The following MTBP variants were observed in gnomAD, a reference collection of about 807,000 sequenced individuals.
MTBP encodes the protein MDM2 binding protein, also known as mdm2-binding protein.
Under a neutral mutation model 117.0 loss-of-function variants are expected in MTBP, and 101 were observed. The observed-to-expected ratio is 0.86, with a 90% CI of 0.73 to 1.02. The LOEUF is 1.02. MTBP is among the 50% of genes least tolerant of loss of function. The pLI, the probability that MTBP is intolerant of heterozygous loss-of-function variation, is 0.00. For synonymous variants in MTBP, 350 were observed against 351.5 expected (o/e 1.00, Z 0.05); for missense variants, 970 against 1,030.9 (o/e 0.94, Z 0.81).
At chr8:120,522,419 G>C (rs1815020876) in intron 20 of MTBP, among the ~76,000 whole-genome samples, 1 of 152,138 alleles carries the variant, frequency 6.6e-6, no homozygotes, top group Admixed American at 6.5e-5. Flanking sequence ...TAGGAGAGGA[G>C]AGTGAGATGG....
At chr8:120,517,799 C>T (rs1310516858) in intron 18 of MTBP, 52 bp from the exon 19 acceptor site, 7 of 1,529,722 alleles carry the variant, frequency 4.6e-6, no homozygotes, top group East Asian at 2.3e-5. Flanking sequence ...AAATGAACTT[C>T]GATGTTGATT....
intron 2 of MTBP, among the ~76,000 whole-genome samples, chr8:120,449,398 G>A (rs1813291290): frequency 6.6e-6 from 1 of 152,186 alleles, no homozygotes; most frequent in East Asian, 1.9e-4. Context: ...ATGTAAAAAT[G>A]TTTTACATGT....
chr8:120,488,719 T>C (rs1440087550), intron 12 of MTBP, among the ~76,000 whole-genome samples: 1 of 152,168 alleles, frequency 6.6e-6, no homozygotes, highest in African/African-American at 2.4e-5. Flanking sequence ...ATTTAGGTTA[T>C]TGATTGCTGC....
In MTBP at chr8:120,468,650, T is replaced by C. The variant is rs576616514; in HGVS notation, c.1048-2170T>C. On this transcript the variant is annotated intron_variant, in intron 10 of 21. Transcript: ENST00000305949. ...TTGTGTGACGTGTGGTCAGGCGTTG[T>C]CATGGAGAAGAATTGGGCCCTTTCT... 7.9e-5 allele frequency among the ~76,000 whole-genome samples: 12 copies of C among 152,302 alleles called. No individual in the cohort carries two copies. The South Asian group carries it at 2.3e-3, about 29-fold the overall frequency.
In MTBP at chr8:120,517,974, A is replaced by G. The variant is rs776624602; in HGVS notation, c.2370A>G (p.Pro790=). 8.1e-6 allele frequency: 13 copies of G among 1,612,770 alleles called. No individual in the cohort carries two copies. The African/African-American group carries it at 1.6e-4, about 20-fold the overall frequency. Residue 790 remains proline, a synonymous_variant, in exon 19 of 22, where the codon CCA becomes CCG. Transcript: ENST00000305949. Reference sequence around the variant, plus strand: ...AACGGTCCTTACCAGTGACTTGTCCATTGGTTCCAATTCCTAGCTGTGAAA... The same window carrying G: ...AACGGTCCTTACCAGTGACTTGTCCGTTGGTTCCAATTCCTAGCTGTGAAA... The part of the protein sequence containing the change: ...QTERSLPVTC[P]LVPIPSCETP...
At chr8:120,448,071 A>G (rs535122987) in intron 2 of MTBP, among the ~76,000 whole-genome samples, 5 of 152,198 alleles carry the variant, frequency 3.3e-5, no homozygotes, top group African/African-American at 1.2e-4. Flanking sequence ...AGCAGGGACT[A>G]TAGGCATGAG....
At chr8:120,479,820 A>T (rs1814034475) in intron 11 of MTBP, among the ~76,000 whole-genome samples, 4 of 152,206 alleles carry the variant, frequency 2.6e-5, no homozygotes. Context: ...ACATAAAATG[A>T]ATGGAACACA....
chr8:120,461,851 A>G (rs753236095), intron 9 of MTBP, among the ~76,000 whole-genome samples: 6 of 152,210 alleles, frequency 3.9e-5, no homozygotes, highest in Non-Finnish European at 8.8e-5. Context: ...TGTAACTGCA[A>G]TATATCATAG....
chr8:120,457,469 T>C (rs929974500), intron 7 of MTBP, among the ~76,000 whole-genome samples: 1 of 152,208 alleles, frequency 6.6e-6, no homozygotes, highest in Admixed American at 6.5e-5. Flanking sequence ...TTTCTTCCTT[T>C]TTAATTCACC....
At chr8:120,489,888 C>A (rs1391816883) in intron 12 of MTBP, among the ~76,000 whole-genome samples, 2 of 152,136 alleles carry the variant, frequency 1.3e-5, no homozygotes, top group Admixed American at 6.5e-5. Context: ...TGAAGGACAT[C>A]CTGCTTTTAG....
At chr8:120,464,261 A>G (rs1190878711) in intron 10 of MTBP, among the ~76,000 whole-genome samples, 1 of 152,038 alleles carries the variant, frequency 6.6e-6, no homozygotes, top group East Asian at 1.9e-4. Flanking sequence ...TTTTGTATAT[A>G]TAATGATGTA....
At position 120,459,196 on chromosome 8, in the gene MTBP, T is replaced by G. The variant is rs1813533799; in HGVS notation, c.748-19T>G. The G allele has an allele frequency of 1.3e-6, 2 of 1,597,434 alleles. No individual in the cohort carries two copies. The highest frequency in any genetic ancestry group is 1.8e-4 in the Middle Eastern group (1 of 5,466). ...TTATTCATGATACTTGTAACTGTGT[T>G]TTCTTGGTCTCTTTTCAGTTTGGAT... is the stretch of plus-strand genomic sequence containing the variant. On this transcript the variant is annotated intron_variant, in intron 7 of 21. Coordinates refer to ENST00000305949, the MANE Select transcript of MTBP (RefSeq NM_022045.5).
rs1287748142 is a variant in MTBP at position 120,506,687 on chromosome 8, C to A, written c.1728-19C>A. 7.1e-6 allele frequency: 11 copies of A among 1,555,946 alleles called. No individual in the cohort carries two copies. Among genetic ancestry groups the A allele is most frequent in the Non-Finnish European group, 8.7e-6 (10 of 1,155,350 alleles). On this transcript the variant is annotated intron_variant, in intron 15 of 21. Transcript: ENST00000305949. The stretch of plus-strand genomic sequence containing the variant: ...ATTGAATCCACTTTTAATAAATCTG[C>A]ATAACATTATTTTCCCAGAACTGGT...
intron 9 of MTBP, among the ~76,000 whole-genome samples, chr8:120,461,522 G>A (rs966973312): frequency 3.3e-5 from 5 of 151,998 alleles, no homozygotes; most frequent in Non-Finnish European, 7.4e-5. Flanking sequence ...GTTCAGTATT[G>A]TTGAGACTTT....
intron 13 of MTBP, among the ~76,000 whole-genome samples, chr8:120,491,410 A>G (rs892856865): frequency 6.6e-6 from 1 of 152,154 alleles, no homozygotes; most frequent in Non-Finnish European, 1.5e-5. Context: ...AACTTTTTCA[A>G]TTGTAAAAAT....
rs528547609 is a variant in MTBP, at chr8:120,510,825, G to A, written c.1979+796G>A. Among the ~76,000 whole-genome samples, 7 of 152,004 alleles carry A rather than the reference G, an allele frequency of 4.6e-5. No homozygotes were observed. The South Asian group carries it at 1.0e-3, about 23-fold the overall frequency. On this transcript the variant is annotated intron_variant, in intron 17 of 21. Coordinates refer to ENST00000305949, the MANE Select transcript of MTBP (RefSeq NM_022045.5). ...CTCAGGATGCTGAGGCAGGAGGATC[G>A]ATTGATATTGGGAGATTGAGGCTGC...
intron 5 of MTBP, among the ~76,000 whole-genome samples, 163 bp downstream of exon 5, chr8:120,454,068 G>C (rs1429044772): frequency 6.6e-6 from 1 of 152,084 alleles, no homozygotes; most frequent in Non-Finnish European, 1.5e-5. Context: ...ATCCATGGGA[G>C]TACATTACCG....
At chr8:120,467,616 T>C (rs28434541) in intron 10 of MTBP, among the ~76,000 whole-genome samples, 2,897 of 152,166 alleles carry the variant, frequency 0.019, 93 homozygotes, top group African/African-American at 0.067. Context: ...AAAAAAGATT[T>C]TGAAACTCAG....
chr8:120,464,947 A>G lies in MTBP; in HGVS notation c.1047+1186A>G, dbSNP rs533278897. On this transcript the variant is annotated intron_variant, in intron 10 of 21. Coordinates refer to ENST00000305949, the MANE Select transcript of MTBP (RefSeq NM_022045.5). ...ATTTTAGGGGACCAACAGAAAATAA[A>G]TAACTACAGACATAATAAGAATTAT... 4.6e-5 allele frequency among the ~76,000 whole-genome samples: 7 copies of G among 152,264 alleles called. No homozygotes were observed. In the East Asian group the frequency reaches 1.3e-3, roughly 29 times the overall value.
Sources: gnomAD v4.1 joint callset for allele counts (sites outside exome capture counted in the v4.1 genomes callset) on GRCh38, gnomAD v4.1.1 for gene constraint, MANE v1.5 for transcripts, NCBI Gene and HGNC (gene_info 2026-07-23, HGNC 2026-07-21) for gene names.